Variants in WDR26 observed in about 807,000 individuals in gnomAD.
The protein encoded by WDR26 is WD repeat-containing protein 26.
Under a neutral mutation model 84.1 loss-of-function variants are expected in WDR26, and 5 were observed. That is an observed-to-expected ratio of 0.06 (90% CI 0.03 to 0.13). The LOEUF is 0.13. Ranked by LOEUF, WDR26 falls within the 10% of genes least tolerant of loss-of-function variation. The probability of loss-of-function intolerance (pLI) is 1.00; values close to 1 mark genes in which losing one functional copy is unlikely to be tolerated. For missense variants in WDR26, 642 were observed against 974.9 expected (o/e 0.66, Z 4.55); for synonymous variants, 415 against 389.6 (o/e 1.07, Z -0.77).
At chr1:224,397,677 G>C (rs933884492) in intron 12 of WDR26, 8 of 157,230 alleles carry the variant, frequency 5.1e-5, no homozygotes, top group South Asian at 1.9e-4. Flanking sequence ...TCCAAGTTCA[G>C]GTAGAGCATC....
At position 224,400,971 on chromosome 1, in the gene WDR26, C is replaced by T; in HGVS notation, c.1698G>A (p.Gln566=). Residue 566 remains glutamine, a synonymous_variant, in exon 9 of 14, where the codon CAG becomes CAA. Transcript: ENST00000414423. Reference sequence around the variant, plus strand: ...TTACACACTGATAGAACTGCCCACGCTGACCTCCAGTCACAAAGCGCTTCC... The same window carrying T: ...TTACACACTGATAGAACTGCCCACGTTGACCTCCAGTCACAAAGCGCTTCC... 1 of 1,614,100 alleles carries T rather than the reference C, an allele frequency of 6.2e-7. No homozygotes were observed. Among genetic ancestry groups the T allele is most frequent in the Non-Finnish European group, 8.5e-7 (1 of 1,179,988 alleles).
intron 3 of WDR26, among the ~76,000 whole-genome samples, chr1:224,427,286 A>C (rs565091458): frequency 6.6e-6 from 1 of 152,196 alleles, no homozygotes; most frequent in East Asian, 1.9e-4. Flanking sequence ...GGCTTAAAAA[A>C]AAATTTCAGG....
rs1558426006 is a variant in WDR26, at chr1:224,407,143, A to AT, written c.1459-2574_1459-2573insA. On this transcript the variant is annotated intron_variant, in intron 7 of 13. Coordinates refer to ENST00000414423, the MANE Select transcript of WDR26 (RefSeq NM_001379403.1). ...TCTTTAAAAAAAAAAAAAAAAAAAA[A>AT]AAAAAAAAATATATATATATATATA... Among the ~76,000 whole-genome samples, 4 of 32,012 alleles carry AT rather than the reference A, an allele frequency of 1.2e-4. No homozygotes were observed. In the East Asian group the frequency reaches 6.1e-3, roughly 49 times the overall value. The allele number at this position is 32,012 out of a possible 152,430, so 21.0% of individuals were successfully genotyped here.
intron 4 of WDR26, among the ~76,000 whole-genome samples, chr1:224,423,151 T>C (rs1674113561): frequency 6.6e-6 from 1 of 152,260 alleles, no homozygotes; most frequent in South Asian, 2.1e-4. Flanking sequence ...AAGAGTTTTT[T>C]AGTGGATTCC....
chr1:224,398,866 T>G, intron 10 of WDR26, 23 bp downstream of exon 10: 1 of 1,611,694 alleles, frequency 6.2e-7, no homozygotes, highest in Non-Finnish European at 8.5e-7. Flanking sequence ...AATTGTTGTT[T>G]AATGGAAACA....
At chr1:224,408,759 G>A (rs148897390) in intron 7 of WDR26, among the ~76,000 whole-genome samples, 1 of 150,286 alleles carries the variant, frequency 6.7e-6, no homozygotes, top group Non-Finnish European at 1.5e-5. Flanking sequence ...ATTTCGACTT[G>A]TAAAGCTTCC....
intron 9 of WDR26, among the ~76,000 whole-genome samples, chr1:224,400,224 T>G (rs1260571648): frequency 3.3e-5 from 5 of 151,976 alleles, no homozygotes; most frequent in Admixed American, 1.3e-4. Flanking sequence ...TGAAAAGTAC[T>G]CTGGTAGCAC....
intron 7 of WDR26, among the ~76,000 whole-genome samples, chr1:224,409,581 G>A (rs1673676034): frequency 6.6e-6 from 1 of 152,170 alleles, no homozygotes; most frequent in African/African-American, 2.4e-5. Context: ...GAACTGTTAG[G>A]CTGGGAATGG....
Position 224,398,127 on chromosome 1 carries a change from T to C in WDR26, c.2044A>G (p.Asn682Asp). 1 of 1,613,702 alleles carries C rather than the reference T, an allele frequency of 6.2e-7. No individual in the cohort carries two copies. The highest frequency in any genetic ancestry group is 8.5e-7 in the Non-Finnish European group (1 of 1,179,868). ...CTGCCACTAGCGATGAAGTCTTCAT[T>C]ATGGCCTCCAAAACATGAATGAATT... Residue 682 changes from asparagine to aspartate, a missense_variant, in exon 12 of 14, where the codon AAT (asparagine) becomes GAT (aspartate). By Grantham distance (23) the Asn-to-Asp change is conservative. Around this residue, in one of 2 missense-constraint regions of WDR26, gnomAD observed 351 missense variants for 672.8 expected, o/e 0.52. Coordinates refer to ENST00000414423, the MANE Select transcript of WDR26 (RefSeq NM_001379403.1).
At chr1:224,407,122 T>TAAAAAAAAAAAAAAAA (rs1158264938) in intron 7 of WDR26, among the ~76,000 whole-genome samples, 1 of 11,678 alleles carries the variant, frequency 8.6e-5, no homozygotes, top group African/African-American at 2.9e-4. Flanking sequence ...ACTCTGTCTT[T>TAAAAAAAAAAAAAAAA]AAAAAAAAAA....
chr1:224,393,381 G>C (rs1356308682), intron 13 of WDR26, among the ~76,000 whole-genome samples: 3 of 152,166 alleles, frequency 2.0e-5, no homozygotes, highest in Non-Finnish European at 4.4e-5. Flanking sequence ...ACTCATGTTA[G>C]TATGATGCAT....
At chr1:224,418,464 A>C in intron 5 of WDR26, 48 bp from the exon 6 acceptor site, 1 of 1,507,140 alleles carries the variant, frequency 6.6e-7, no homozygotes, top group East Asian at 2.5e-5. Context: ...TAAACTGTAA[A>C]CTTTTATTTA....
At chr1:224,401,091 A>C in intron 8 of WDR26, 22 bp from the exon 9 acceptor site, 1 of 1,606,260 alleles carries the variant, frequency 6.2e-7, no homozygotes, top group South Asian at 1.1e-5. Flanking sequence ...TAAAACTGTA[A>C]ATGAGACCTT....
intron 13 of WDR26, among the ~76,000 whole-genome samples, 182 bp downstream of exon 13, chr1:224,393,646 T>G (rs1558414208): frequency 6.6e-6 from 1 of 152,228 alleles, no homozygotes; most frequent in Non-Finnish European, 1.5e-5. Context: ...AAACAACCAC[T>G]ACATTATTGG....
At chr1:224,433,620 C>CA in intron 1 of WDR26, 64 bp downstream of exon 1, 14 of 1,177,724 alleles carry the variant, frequency 1.2e-5, no homozygotes, top group African/African-American at 1.6e-5. Context: ...GCCCCTTCCC[C>CA]TACCCCCCTG....
At chr1:224,411,373 TAG>T (rs1326852659) in intron 7 of WDR26, 52 bp downstream of exon 7, 34 of 1,527,364 alleles carry the variant, frequency 2.2e-5, no homozygotes, top group Non-Finnish European at 2.9e-5. Flanking sequence ...ATCAATGAAT[TAG>T]ATTCAAAATT....
rs149995544 is a variant in WDR26, at chr1:224,415,453, C to CTTTTTTTTTTTTTTTTTTTTTTTTTTTTT, written c.1319+2806_1319+2807insAAAAAAAAAAAAAAAAAAAAAAAAAAAAA. Among the ~76,000 whole-genome samples, 2 of 82,340 alleles carry CTTTTTTTTTTTTTTTTTTTTTTTTTTTTT rather than the reference C, an allele frequency of 2.4e-5. 1 individual carries two copies. Among genetic ancestry groups the CTTTTTTTTTTTTTTTTTTTTTTTTTTTTT allele is most frequent in the African/African-American group, 9.7e-5 (2 of 20,548 alleles). 54.0% of individuals were successfully genotyped at this position (82,340 alleles called of 152,430 possible). A position where few individuals can be genotyped will look rare whatever the true frequency, so the allele number is the denominator to read the frequency against. On this transcript the variant is annotated intron_variant, in intron 6 of 13. Transcript: ENST00000414423. ...ACAATTCTGGAACACGTATTTCTTT[C>CTTTTTTTTTTTTTTTTTTTTTTTTTTTTT]TTTTTTTTTTTTTTTTTTTTTTTTT...
At position 224,419,499 on chromosome 1, in the gene WDR26, A is replaced by T; in HGVS notation, c.1162+19T>A. ...AATCTAAGAGAAAACACAGCAACAT[A>T]AAAAATTAAGACTCTTACTCTGAAG... is the stretch of plus-strand genomic sequence containing the variant. On this transcript the variant is annotated intron_variant, in intron 5 of 13. Transcript: ENST00000414423. 1 of 1,587,180 alleles carries T rather than the reference A, an allele frequency of 6.3e-7. No individual in the cohort carries two copies. The highest frequency in any genetic ancestry group is 8.7e-7 in the Non-Finnish European group (1 of 1,155,636).
Position 224,399,051 on chromosome 1 carries a change from T to A in WDR26, c.1720-17A>T, listed in dbSNP as rs1351596286. The A allele has an allele frequency of 6.7e-7, 1 of 1,501,972 alleles. No homozygotes were observed. The highest frequency in any genetic ancestry group is 1.4e-5 in the South Asian group (1 of 73,152). The allele number at this position is 1,501,972 out of a possible 1,614,324, so 93.0% of individuals were successfully genotyped here. A position where few individuals can be genotyped will look rare whatever the true frequency, so the allele number is the denominator to read the frequency against. On this transcript the variant is annotated splice_polypyrimidine_tract_variant and intron_variant, in intron 9 of 13. Transcript: ENST00000414423. ...ATCTAAGTCCTGAGTAAGAAAAAACTACTATTAACTTCATTACTCAACAGC... is the reference window on the plus strand; with the variant it reads ...ATCTAAGTCCTGAGTAAGAAAAAACAACTATTAACTTCATTACTCAACAGC...
Sources: gnomAD v4.1 joint callset for allele counts (sites outside exome capture counted in the v4.1 genomes callset) on GRCh38, gnomAD v4.1.1 for gene constraint, gnomAD v4.1.1 regional missense constraint, MANE v1.5 for transcripts, NCBI Gene and HGNC (gene_info 2026-07-23, HGNC 2026-07-21) for gene names.